Variants in RBM23 observed in about 807,000 individuals in gnomAD.
RBM23 encodes the protein RNA binding motif protein 23, also known as probable RNA-binding protein 23.
RBM23 carries 53 observed loss-of-function variants against 56.2 expected under a neutral mutation model. That is an observed-to-expected ratio of 0.94 (90% CI 0.76 to 1.19). RBM23 has a LOEUF of 1.19. Among genes scored for constraint, RBM23 ranks in the 50% most tolerant of loss-of-function variants. The pLI is 0.00. For synonymous variants in RBM23, 197 were observed against 198.5 expected (o/e 0.99, Z 0.06); for missense variants, 642 against 590.3 (o/e 1.09, Z -0.91).
Position 22,898,562 on chromosome 14 carries a change from GTCAC to G in RBM23, c.*3164_*3167del, listed in dbSNP as rs1235774442. 2.6e-5 allele frequency: 4 copies of G among 152,012 alleles called. No homozygotes were observed. Among genetic ancestry groups the G allele is most frequent in the African/African-American group, 9.7e-5 (4 of 41,354 alleles). 9.4% of individuals were successfully genotyped at this position (152,012 alleles called of 1,614,324 possible). ...ACTGAGTCACACACGGACAGCAACT[GTCAC>G]TCACTAGATACCATCACCTTATATG... On this transcript the variant is annotated 3_prime_UTR_variant, in exon 14 of 14. Transcript: ENST00000359890.
At chr14:22,908,525 T>A in intron 3 of RBM23, 145 bp from the exon 4 acceptor site, 1 of 814,152 alleles carries the variant, frequency 1.2e-6, no homozygotes, top group Non-Finnish European at 1.9e-6. Flanking sequence ...CCTGAGTAGC[T>A]GGGATTACAG....
At position 22,893,909 on chromosome 14, in the gene RBM23, A is replaced by G. The variant is rs1462911398; in HGVS notation, c.*7821T>C. ...TTGAAAACTCCAGATGTGAATGCAA[A>G]TTCAGTAAGCCCTTGAATGCTTTTC... On this transcript the variant is annotated 3_prime_UTR_variant, in exon 14 of 14. Transcript: ENST00000359890. 1 of 152,170 alleles carries G rather than the reference A, an allele frequency of 6.6e-6. No individual in the cohort carries two copies. The highest frequency in any genetic ancestry group is 1.5e-5 in the Non-Finnish European group (1 of 68,042). 9.4% of individuals were successfully genotyped at this position (152,170 alleles called of 1,614,324 possible). A position where few individuals can be genotyped will look rare whatever the true frequency, so the allele number is the denominator to read the frequency against.
chr14:22,911,447 T>G (rs2042507998), intron 1 of RBM23, 44 bp from the exon 2 acceptor site: 1 of 1,506,538 alleles, frequency 6.6e-7, no homozygotes, highest in Non-Finnish European at 9.2e-7. Context: ...TTTATATTTT[T>G]CCTCCCTTTC....
chr14:22,910,450 C>CAAAAAAA (rs546748436), intron 2 of RBM23, among the ~76,000 whole-genome samples: 11 of 71,152 alleles, frequency 1.5e-4, no homozygotes, highest in Admixed American at 2.0e-4. Context: ...AACTTCATCT[C>CAAAAAAA]AAAAAAAAAA....
intron 1 of RBM23, among the ~76,000 whole-genome samples, chr14:22,912,447 T>C (rs981725134): frequency 1.1e-4 from 17 of 152,242 alleles, no homozygotes; most frequent in African/African-American, 4.1e-4. Context: ...GCAGGCAAGG[T>C]AAAACGTGCC....
intron 1 of RBM23, among the ~76,000 whole-genome samples, chr14:22,918,119 G>GA (rs2043884672): frequency 6.6e-6 from 1 of 152,210 alleles, no homozygotes; most frequent in South Asian, 2.1e-4. Context: ...TATAGGCCGG[G>GA]CGCGGTGGCT....
Position 22,902,380 on chromosome 14 carries a change from G to C in RBM23, c.933C>G (p.Phe311Leu). The change falls in exon 11 of 14, where the codon TTC becomes TTG. Residue 311 changes from phenylalanine to leucine, a missense_variant and splice_region_variant. Coordinates refer to ENST00000359890, the MANE Select transcript of RBM23 (RefSeq NM_001077351.2). Reference sequence around the variant, plus strand: ...CCCGCCGGGCACACTCAGAATCAGAGAACTATGAGAAACCCAGGCCATGTT... The same window carrying C: ...CCCGCCGGGCACACTCAGAATCAGACAACTATGAGAAACCCAGGCCATGTT... The part of the protein sequence containing the change: ...GRSKGYGFIT[F>L]SDSECARRAL... The C allele has an allele frequency of 6.2e-7, 1 of 1,609,362 alleles. No individual in the cohort carries two copies. The highest frequency in any genetic ancestry group is 8.5e-7 in the Non-Finnish European group (1 of 1,176,056).
chr14:22,902,846 C>T (rs1362466901), intron 10 of RBM23: 6 of 911,672 alleles, frequency 6.6e-6, no homozygotes, highest in Admixed American at 7.0e-5. Context: ...ACCATGTCAG[C>T]TCACTACAAC....
chr14:22,910,320 G>A (rs369791786), intron 2 of RBM23, among the ~76,000 whole-genome samples: 54 of 149,328 alleles, frequency 3.6e-4, no homozygotes, highest in African/African-American at 1.3e-3. Flanking sequence ...TTAGCCAGGG[G>A]TGGTGGCACA....
Position 22,893,835 on chromosome 14 carries a change from C to T in RBM23, c.*7895G>A, listed in dbSNP as rs1023391917. On this transcript the variant is annotated 3_prime_UTR_variant, in exon 14 of 14. Coordinates refer to ENST00000359890, the MANE Select transcript of RBM23 (RefSeq NM_001077351.2). ...TCCCTGATGGATATGCTTAAGGTCC[C>T]TTTTCATCTATTTGAATATTGATGT... The T allele has an allele frequency of 1.3e-5, 2 of 152,084 alleles. No homozygotes were observed. Among genetic ancestry groups the T allele is most frequent in the East Asian group, 3.9e-4 (2 of 5,194 alleles). The allele number at this position is 152,084 out of a possible 1,614,324, so 9.4% of individuals were successfully genotyped here.
chr14:22,906,134 T>A (rs2041502686), intron 5 of RBM23, 61 bp downstream of exon 5: 2 of 1,573,958 alleles, frequency 1.3e-6, no homozygotes, highest in Non-Finnish European at 8.7e-7. Context: ...GGGTTCATAG[T>A]GCATTTGTTG....
Position 22,896,190 on chromosome 14 carries a change from A to C in RBM23, c.*5540T>G, listed in dbSNP as rs1220252289. 3 of 152,092 alleles carry C rather than the reference A, an allele frequency of 2.0e-5. No homozygotes were observed. The highest frequency in any genetic ancestry group is 7.2e-5 in the African/African-American group (3 of 41,400). 9.4% of individuals were successfully genotyped at this position (152,092 alleles called of 1,614,324 possible). On this transcript the variant is annotated 3_prime_UTR_variant, in exon 14 of 14. Coordinates refer to ENST00000359890, the MANE Select transcript of RBM23 (RefSeq NM_001077351.2). The stretch of plus-strand genomic sequence containing the variant: ...AGGACAGTAATGAGCCAAGTTCCAA[A>C]CCTTTCTCAATGAATTCTCACAACA...
intron 1 of RBM23, among the ~76,000 whole-genome samples, chr14:22,914,532 C>T (rs895161020): frequency 1.5e-4 from 23 of 151,612 alleles, no homozygotes; most frequent in African/African-American, 5.1e-4. Flanking sequence ...GATGGTTTCA[C>T]GGGTGTTTAA....
In RBM23 at chr14:22,898,760, A is replaced by C. The variant is rs1426052858; in HGVS notation, c.*2970T>G. On this transcript the variant is annotated 3_prime_UTR_variant, in exon 14 of 14. Transcript: ENST00000359890. Reference sequence around the variant, plus strand: ...GAAACATAAGGAAACCAAGCAGAGGAAGGCAGGGAGGCAAGGCCTGTGGAT... The same window carrying C: ...GAAACATAAGGAAACCAAGCAGAGGCAGGCAGGGAGGCAAGGCCTGTGGAT... 6.6e-6 allele frequency: 1 copy of C among 151,788 alleles called. No individual in the cohort carries two copies. The highest frequency in any genetic ancestry group is 1.5e-5 in the Non-Finnish European group (1 of 68,010). The allele number at this position is 151,788 out of a possible 1,614,324, so 9.4% of individuals were successfully genotyped here.
At chr14:22,918,752 G>A (rs568650990) in intron 1 of RBM23, among the ~76,000 whole-genome samples, 1 of 152,304 alleles carries the variant, frequency 6.6e-6, no homozygotes, top group African/African-American at 2.4e-5. Context: ...CAGGATTCTA[G>A]AAACCGCATC....
At chr14:22,903,938 C>A (rs891343932) in intron 10 of RBM23, 7 of 1,274,096 alleles carry the variant, frequency 5.5e-6, no homozygotes, top group Non-Finnish European at 7.0e-6. Flanking sequence ...CTTTAAAAGC[C>A]CATACCTAAC....
At chr14:22,916,615 CTATTA>C (rs879941995) in intron 1 of RBM23, among the ~76,000 whole-genome samples, 3 of 151,350 alleles carry the variant, frequency 2.0e-5, no homozygotes, top group Non-Finnish European at 4.4e-5. Flanking sequence ...AACATTATAT[CTATTA>C]TATCAGATTA....
intron 4 of RBM23, among the ~76,000 whole-genome samples, chr14:22,907,708 T>C (rs1354384282): frequency 6.6e-6 from 1 of 152,230 alleles, no homozygotes; most frequent in Non-Finnish European, 1.5e-5. Context: ...TTCGGTTAAC[T>C]ATAAAACAGC....
At chr14:22,905,703 G>T in intron 5 of RBM23, 44 bp from the exon 6 acceptor site, 6 of 1,442,734 alleles carry the variant, frequency 4.2e-6, no homozygotes, top group Non-Finnish European at 4.9e-6. Context: ...TATTCTCATT[G>T]GTCCAATGCT....
Sources: allele counts gnomAD v4.1 joint callset (sites outside exome capture counted in the v4.1 genomes callset), GRCh38; gene constraint gnomAD v4.1.1; transcripts MANE v1.5; gene names NCBI Gene and HGNC (gene_info 2026-07-23, HGNC 2026-07-21).